The following XPO6 variants were observed in gnomAD, a reference collection of about 807,000 sequenced individuals.
The protein encoded by XPO6 is exportin 6, also known as exportin-6.
Under a neutral mutation model 130.0 loss-of-function variants are expected in XPO6, and 3 were observed. The ratio of observed to expected loss-of-function variants is 0.02; its 90% CI spans 0.01 to 0.06. XPO6 has a LOEUF of 0.06. XPO6 is among the 10% of genes least tolerant of loss of function. The pLI is 1.00. For synonymous variants in XPO6, 524 were observed against 548.9 expected, an observed-to-expected ratio of 0.95 and a Z score of 0.63; for missense variants, 970 against 1,393.0, an observed-to-expected ratio of 0.70 and a Z score of 4.83.
chr16:28,104,910 G>A (rs2141233963), intron 20 of XPO6, among the ~76,000 whole-genome samples: 1 of 152,358 alleles, frequency 6.6e-6, no homozygotes, highest in Admixed American at 6.5e-5. Context: ...CTAGCCCCTG[G>A]AGTTGGCGGT....
chr16:28,125,299 A>T (rs1322978847), intron 13 of XPO6, among the ~76,000 whole-genome samples: 1 of 152,176 alleles, frequency 6.6e-6, no homozygotes, highest in Non-Finnish European at 1.5e-5. Context: ...ATATCTCTTT[A>T]TCCTATGAGG....
In XPO6 at chr16:28,204,500, C is replaced by T. The variant is rs560211795; in HGVS notation, c.3+6866G>A. On this transcript the variant is annotated intron_variant, in intron 1 of 23. Coordinates refer to ENST00000304658, the MANE Select transcript of XPO6 (RefSeq NM_015171.4). ...AAGGTCTGAAGAGCAGTAAGAAGAC[C>T]GAGGGAGCTGCAGCACAGCCAGTGA... Among the ~76,000 whole-genome samples the T allele has an allele frequency of 1.8e-4, 28 of 151,982 alleles. No homozygotes were observed. In the South Asian group the frequency reaches 4.8e-3, roughly 26 times the overall value.
intron 16 of XPO6, 133 bp downstream of exon 16, chr16:28,112,771 A>G (rs1242977478): frequency 8.4e-6 from 10 of 1,194,526 alleles, no homozygotes; most frequent in South Asian, 3.4e-5. Flanking sequence ...GTGCCACACA[A>G]TAAGAAATCT....
chr16:28,155,482 G>A (rs1373539570), intron 7 of XPO6: 4 of 151,698 alleles, frequency 2.6e-5, no homozygotes, highest in African/African-American at 7.3e-5. Flanking sequence ...GTAGGTCATT[G>A]TAGGCTCCAC....
chr16:28,116,389 G>C (rs1415734338), intron 15 of XPO6, among the ~76,000 whole-genome samples: 1 of 151,610 alleles, frequency 6.6e-6, no homozygotes, highest in Admixed American at 6.6e-5. Context: ...GTGAACCCGG[G>C]AGACGGAGCT....
chr16:28,098,437 A>T lies in XPO6; in HGVS notation c.*101T>A. The T allele has an allele frequency of 9.7e-7, 1 of 1,034,024 alleles. No homozygotes were observed. The highest frequency in any genetic ancestry group is 1.4e-6 in the Non-Finnish European group (1 of 697,624). The allele number at this position is 1,034,024 out of a possible 1,614,324, so 64.1% of individuals were successfully genotyped here. A position where few individuals can be genotyped will look rare whatever the true frequency, so the allele number is the denominator to read the frequency against. The stretch of plus-strand genomic sequence containing the variant: ...AGCGTTGCTTGCGGTGGGAGAAGCC[A>T]AGGAGTGTGACCAAGGCCCATCTGG... On this transcript the variant is annotated 3_prime_UTR_variant, in exon 24 of 24. Transcript: ENST00000304658.
At chr16:28,199,750 TG>T in intron 1 of XPO6, among the ~76,000 whole-genome samples, 1 of 152,168 alleles carries the variant, frequency 6.6e-6, no homozygotes, top group Non-Finnish European at 1.5e-5. Flanking sequence ...TCACTTATGT[TG>T]GCCAGGCTGG....
At chr16:28,199,886 G>A (rs2043928981) in intron 1 of XPO6, among the ~76,000 whole-genome samples, 1 of 151,566 alleles carries the variant, frequency 6.6e-6, no homozygotes, top group Non-Finnish European at 1.5e-5. Context: ...GCCGGGCACG[G>A]TGGCTCACTC....
chr16:28,191,365 C>T (rs2043784836), intron 1 of XPO6, among the ~76,000 whole-genome samples: 1 of 152,234 alleles, frequency 6.6e-6, no homozygotes, highest in Admixed American at 6.5e-5. Context: ...CAAGAGTAGG[C>T]TCTGTCTTCA....
intron 1 of XPO6, among the ~76,000 whole-genome samples, chr16:28,204,242 T>A (rs904882334): frequency 6.6e-6 from 1 of 152,066 alleles, no homozygotes; most frequent in Non-Finnish European, 1.5e-5. Context: ...ACCTCATTAA[T>A]AATATTGAGT....
Position 28,111,911 on chromosome 16 carries a change from G to C in XPO6, c.2247C>G (p.Ile749Met). 6.2e-7 allele frequency: 1 copy of C among 1,614,184 alleles called. No individual in the cohort carries two copies. The highest frequency in any genetic ancestry group is 8.5e-7 in the Non-Finnish European group (1 of 1,180,038). The change falls in exon 17 of 24, where the codon ATC (isoleucine) becomes ATG (methionine). Residue 749 changes from isoleucine (I) to methionine (M), a missense_variant. Ile to Met is a conservative substitution (Grantham distance 10). This residue lies in a region of XPO6 where 936 missense variants were observed against 1,306.8 expected (regional missense o/e 0.72). Transcript: ENST00000304658. ...ENEQQWPVRS[I>M]NHASLISALS... ...GTGCAGAGATGAGGCTGGCGTGGTT[G>C]ATGGAGCGCACGGGCCACTGCTGCT... is the stretch of plus-strand genomic sequence containing the variant.
Position 28,101,885 on chromosome 16 carries a change from A to G in XPO6, c.3007T>C (p.Leu1003=). Residue 1003 remains leucine (L), a synonymous_variant, in exon 22 of 24, where the codon TTG becomes CTG. Transcript: ENST00000304658. This position sits in a 1 kb window ranked among gnomAD's most constrained non-coding sequence, Gnocchi z 5.4. ...IHLFKQNLFY[L]ETLNTKQKLY... ...TTCTGCTTGGTGTTGAGAGTCTCCA[A>G]GTAGAAGAGATTTTGTTTAAAAAGG... 1.2e-6 allele frequency: 2 copies of G among 1,614,188 alleles called. No homozygotes were observed. The highest frequency in any genetic ancestry group is 1.7e-6 in the Non-Finnish European group (2 of 1,180,038).
chr16:28,174,544 T>G (rs542294326), intron 4 of XPO6, among the ~76,000 whole-genome samples: 1 of 152,322 alleles, frequency 6.6e-6, no homozygotes, highest in East Asian at 1.9e-4. Flanking sequence ...AATAGTTTAC[T>G]TGAATAAAGG....
intron 1 of XPO6, among the ~76,000 whole-genome samples, chr16:28,202,973 G>A (rs1019607507): frequency 1.3e-5 from 2 of 152,170 alleles, no homozygotes; most frequent in African/African-American, 4.8e-5. Flanking sequence ...CTTGAAAAGT[G>A]GTAAAGACAA....
chr16:28,107,923 C>T (rs1320714639), intron 17 of XPO6, among the ~76,000 whole-genome samples: 2 of 152,136 alleles, frequency 1.3e-5, no homozygotes, highest in Non-Finnish European at 2.9e-5. Flanking sequence ...AGATGCCTGC[C>T]TGCCTGCTTG....
intron 9 of XPO6, among the ~76,000 whole-genome samples, chr16:28,140,494 A>G (rs528602989): frequency 1.3e-5 from 2 of 152,126 alleles, no homozygotes; most frequent in South Asian, 4.2e-4. Flanking sequence ...CCTGACCAAC[A>G]TGGTGAAACC....
chr16:28,128,846 AC>A (rs1247558025), intron 12 of XPO6, among the ~76,000 whole-genome samples: 1 of 152,202 alleles, frequency 6.6e-6, no homozygotes, highest in Admixed American at 6.5e-5. Flanking sequence ...AGGGTAGAAC[AC>A]AGAACAAGCC....
chr16:28,172,574 G>A (rs11864902), intron 4 of XPO6, among the ~76,000 whole-genome samples: 3,967 of 152,096 alleles, frequency 0.026, 133 homozygotes, highest in African/African-American at 0.083. Context: ...GAAGGAAAGC[G>A]GTCGGTTTCA....
rs568826483 is a variant in XPO6 at position 28,168,352 on chromosome 16, G to A, written c.565+1398C>T. Among the ~76,000 whole-genome samples the A allele has an allele frequency of 8.2e-4, 124 of 152,128 alleles. 1 individual carries two copies. The highest frequency in any genetic ancestry group is 3.3e-3 in the East Asian group (17 of 5,162). On this transcript the variant is annotated intron_variant, in intron 5 of 23. Coordinates refer to ENST00000304658, the MANE Select transcript of XPO6 (RefSeq NM_015171.4). ...ACAAAAATTAGCCAGGCGTGGTGCC[G>A]CATGCCTGTAGTCCCAGCTTCTGGG...
Sources: gnomAD v4.1 joint callset for allele counts (sites outside exome capture counted in the v4.1 genomes callset) on GRCh38, gnomAD v4.1.1 for gene constraint, gnomAD v4.1.1 regional missense constraint, Gnocchi (gnomAD v3.1) non-coding constraint, MANE v1.5 for transcripts, NCBI Gene and HGNC (gene_info 2026-07-23, HGNC 2026-07-21) for gene names.